Variants in CSMD1 observed in about 807,000 individuals in gnomAD.
CSMD1 encodes CUB and sushi domain-containing protein 1.
A neutral mutation model predicts 417.5 loss-of-function variants in CSMD1; 213 were observed. The ratio of observed to expected loss-of-function variants is 0.51; its 90% CI spans 0.46 to 0.57. CSMD1 has a LOEUF of 0.57. Among genes scored for constraint, CSMD1 ranks in the 20% least tolerant of loss-of-function variants. CSMD1 has a pLI of 0.00. For missense variants in CSMD1, 6,923 were observed against 4,529.7 expected (o/e 1.53, Z -15.17); for synonymous variants, 2,862 against 1,736.8 (o/e 1.65, Z -16.11).
At chr8:4,806,243 G>C (rs1031545592) in intron 1 of CSMD1, among the ~76,000 whole-genome samples, 1 of 152,126 alleles carries the variant, frequency 6.6e-6, no homozygotes, top group Non-Finnish European at 1.5e-5. Flanking sequence ...AGCTTACTGA[G>C]GATCATGCAG....
chr8:4,103,038 G>C (rs907577196), intron 3 of CSMD1, among the ~76,000 whole-genome samples: 9 of 152,122 alleles, frequency 5.9e-5, no homozygotes, highest in African/African-American at 2.2e-4. Context: ...AGTTGACTCA[G>C]CGGGTCAGAG....
intron 11 of CSMD1, among the ~76,000 whole-genome samples, chr8:3,485,519 A>T (rs970808735): frequency 8.1e-6 from 1 of 123,000 alleles, no homozygotes; most frequent in Non-Finnish European, 1.7e-5. Flanking sequence ...ATAGAACTTC[A>T]TAACAATACA....
chr8:3,516,004 T>C (rs73658147), intron 10 of CSMD1, among the ~76,000 whole-genome samples: 3,706 of 152,242 alleles, frequency 0.024, 133 homozygotes, highest in African/African-American at 0.084. Flanking sequence ...AATTAGTAAG[T>C]CTACTCAATT....
At chr8:4,649,710 T>C (rs1298031414) in intron 1 of CSMD1, among the ~76,000 whole-genome samples, 2 of 152,264 alleles carry the variant, frequency 1.3e-5, no homozygotes, top group Non-Finnish European at 2.9e-5. Context: ...AACGTTTTTG[T>C]GTATCTGAGC....
At chr8:4,706,946 A>C (rs1464622591) in intron 1 of CSMD1, among the ~76,000 whole-genome samples, 1 of 152,196 alleles carries the variant, frequency 6.6e-6, no homozygotes, top group Non-Finnish European at 1.5e-5. Flanking sequence ...GCTCATCTGA[A>C]GCTTGGCAGA....
At chr8:3,206,923 C>G (rs1190324891) in intron 30 of CSMD1, among the ~76,000 whole-genome samples, 1 of 151,988 alleles carries the variant, frequency 6.6e-6, no homozygotes. Context: ...GAGAAGGGGC[C>G]AAGTCAGCTC....
intron 5 of CSMD1, among the ~76,000 whole-genome samples, chr8:3,980,195 T>C (rs972056113): frequency 6.6e-6 from 1 of 152,224 alleles, no homozygotes; most frequent in African/African-American, 2.4e-5. Flanking sequence ...CTTTTCACAA[T>C]CAAAATTAGC....
intron 46 of CSMD1, among the ~76,000 whole-genome samples, chr8:3,103,563 G>C (rs145259407): frequency 0.018 from 2,730 of 152,122 alleles, 44 homozygotes; most frequent in Non-Finnish European, 0.025. Flanking sequence ...ACGTCACTCG[G>C]TGGTAGGAAT....
chr8:4,524,963 G>A (rs1796441211), intron 2 of CSMD1, among the ~76,000 whole-genome samples: 1 of 152,084 alleles, frequency 6.6e-6, no homozygotes, highest in African/African-American at 2.4e-5. Flanking sequence ...TGGCATCACA[G>A]AACAACTTGC....
chr8:4,439,374 T>G (rs1798332148), intron 2 of CSMD1, among the ~76,000 whole-genome samples: 1 of 152,138 alleles, frequency 6.6e-6, no homozygotes, highest in Admixed American at 6.6e-5. Flanking sequence ...ACTATACAAC[T>G]TTGTGGGTTA....
rs751176952 is a variant in CSMD1 at position 3,507,056 on chromosome 8, A to G, written c.1345-13330T>C. Reference sequence around the variant, plus strand: ...AACGTATATACCAAGTGCCTAACATAGAGCTTGGTGTCATGGTTACAGTTT... The same window carrying G: ...AACGTATATACCAAGTGCCTAACATGGAGCTTGGTGTCATGGTTACAGTTT... On this transcript the variant is annotated intron_variant, in intron 10 of 69. Transcript: ENST00000635120. Among the ~76,000 whole-genome samples the G allele has an allele frequency of 1.6e-3, 243 of 152,204 alleles. 2 individuals are homozygous for G. The highest frequency in any genetic ancestry group is 1.6e-3 in the Non-Finnish European group (112 of 68,030).
intron 3 of CSMD1, among the ~76,000 whole-genome samples, chr8:4,323,787 G>A (rs556208226): frequency 1.3e-5 from 2 of 152,196 alleles, no homozygotes; most frequent in South Asian, 4.2e-4. Context: ...TGCCTATCTT[G>A]ACTTATTGAA....
At chr8:4,324,413 G>C (rs765815468) in intron 3 of CSMD1, among the ~76,000 whole-genome samples, 10 of 152,204 alleles carry the variant, frequency 6.6e-5, no homozygotes, top group Non-Finnish European at 1.5e-4. Context: ...TCCTCACCCT[G>C]GCAGGAAAGC....
At chr8:3,290,853 C>G (rs1803503808) in intron 25 of CSMD1, among the ~76,000 whole-genome samples, 1 of 151,608 alleles carries the variant, frequency 6.6e-6, no homozygotes, top group South Asian at 2.1e-4. Context: ...CCGGAACTTC[C>G]AACACTATAT....
chr8:4,579,497 G>A (rs567890417), intron 2 of CSMD1, among the ~76,000 whole-genome samples: 1 of 151,726 alleles, frequency 6.6e-6, no homozygotes, highest in Non-Finnish European at 1.5e-5. Flanking sequence ...TAAGTAGCTG[G>A]GATTACAGGC....
chr8:4,842,209 A>G (rs1800885512), intron 1 of CSMD1, among the ~76,000 whole-genome samples: 1 of 152,194 alleles, frequency 6.6e-6, no homozygotes. Flanking sequence ...AAACAGGTGA[A>G]TTGAGTGTGG....
chr8:4,311,719 T>G (rs1199073087), intron 3 of CSMD1, among the ~76,000 whole-genome samples: 4 of 49,098 alleles, frequency 8.1e-5, no homozygotes, highest in South Asian at 7.2e-4. Flanking sequence ...CAAGACTCAG[T>G]CTCAAAAAAA....
chr8:4,851,099 C>A (rs940878261), intron 1 of CSMD1, among the ~76,000 whole-genome samples: 2 of 121,432 alleles, frequency 1.6e-5, no homozygotes, highest in South Asian at 3.7e-4. Flanking sequence ...TCCCTCCCCC[C>A]TCCCCACACC....
At chr8:4,256,017 C>T (rs1034781018) in intron 3 of CSMD1, among the ~76,000 whole-genome samples, 1 of 152,172 alleles carries the variant, frequency 6.6e-6, no homozygotes, top group Middle Eastern at 3.2e-3. Flanking sequence ...CTCATAAATA[C>T]AGCATGGAAA....
Sources: allele counts gnomAD v4.1 joint callset (sites outside exome capture counted in the v4.1 genomes callset), GRCh38; gene constraint gnomAD v4.1.1; transcripts MANE v1.5; gene names NCBI Gene and HGNC (gene_info 2026-07-23, HGNC 2026-07-21).